MBD1: variants seen among roughly 807,000 people sequenced by gnomAD.
MBD1 encodes methyl-CpG-binding domain protein 1.
MBD1 carries 25 observed loss-of-function variants against 82.6 expected under a neutral mutation model. That is an observed-to-expected ratio of 0.30 (90% CI 0.22 to 0.42). The LOEUF is 0.42. Among genes scored for constraint, MBD1 ranks in the 10% least tolerant of loss-of-function variants. The probability of loss-of-function intolerance (pLI) is 1.00; values close to 1 mark genes in which losing one functional copy is unlikely to be tolerated. For synonymous variants in MBD1, 301 were observed against 303.7 expected (o/e 0.99, Z 0.09); for missense variants, 627 against 819.6 (o/e 0.76, Z 2.87).
intron 16 of MBD1, chr18:50,271,213 G>A: frequency 1.5e-6 from 2 of 1,344,200 alleles, no homozygotes; most frequent in South Asian, 3.4e-5. Flanking sequence ...CTCCAACCCA[G>A]CTCCCCCACC....
rs545533807 is a variant in MBD1 at position 50,278,400 on chromosome 18, A to T, written c.111-1196T>A. On this transcript the variant is annotated intron_variant, in intron 2 of 16. Transcript: ENST00000269468. ...AACTGTCTTTGATCTGTAACCCAGG[A>T]GTCTTACCCCTCCTACCAGCATCTA... Among the ~76,000 whole-genome samples the T allele has an allele frequency of 2.6e-5, 4 of 152,202 alleles. No individual in the cohort carries two copies. The East Asian group carries it at 7.7e-4, about 29-fold the overall frequency.
chr18:50,271,457 T>C lies in MBD1; in HGVS notation c.*32+12A>G, dbSNP rs1261605612. 1 of 1,614,178 alleles carries C rather than the reference T, an allele frequency of 6.2e-7. No homozygotes were observed. Among genetic ancestry groups the C allele is most frequent in the East Asian group, 2.2e-5 (1 of 44,882 alleles). ...AGTGTTGTCTCTCATAAAGCCAGTC[T>C]GCAAATATCACCTTGAATCCTACAG... On this transcript the variant is annotated intron_variant, in intron 16 of 16. Transcript: ENST00000269468.
In MBD1 at chr18:50,275,952, G is replaced by A. The variant is rs1275121474; in HGVS notation, c.546C>T (p.Cys182=). 5.0e-6 allele frequency: 8 copies of A among 1,613,264 alleles called. No individual in the cohort carries two copies. Among genetic ancestry groups the A allele is most frequent in the African/African-American group, 1.3e-5 (1 of 74,914 alleles). ...AGGCCCCACAGTCTTCTGTTACCTGGCAGGCTGCACACTCCCCACAGCCCA... is the reference window on the plus strand; with the variant it reads ...AGGCCCCACAGTCTTCTGTTACCTGACAGGCTGCACACTCCCCACAGCCCA... ...KRVGCGECAA[C]QVTEDCGACS... The change falls in exon 7 of 17, where the codon TGC becomes TGT. Residue 182 remains cysteine, a synonymous_variant. Transcript: ENST00000269468.
chr18:50,275,094 G>A, intron 9 of MBD1, 35 bp downstream of exon 9: 1 of 1,613,136 alleles, frequency 6.2e-7, no homozygotes, highest in Non-Finnish European at 8.5e-7. Flanking sequence ...GGTAAGGTCA[G>A]GGTTGTGCCT....
chr18:50,273,520 C>T (rs1346082823), intron 12 of MBD1, 44 bp downstream of exon 12: 2 of 1,613,528 alleles, frequency 1.2e-6, no homozygotes, highest in African/African-American at 1.3e-5. Flanking sequence ...CCCTGGCATG[C>T]AGCTGGGTGA....
In MBD1 at chr18:50,277,095, G is replaced by C; in HGVS notation, c.220C>G (p.Pro74Ala). The change falls in exon 3 of 17, where the codon CCC (proline) becomes GCC (alanine). Residue 74 changes from proline to alanine, a missense_variant. Physicochemically the swap from Pro to Ala is conservative, Grantham distance 27 (BLOSUM62 -1). Coordinates refer to ENST00000269468, the MANE Select transcript of MBD1 (RefSeq NM_015846.4). The stretch of plus-strand genomic sequence containing the variant: ...TATCTCATGTTGTGAAGTACCTTGG[G>C]GGCTGGATAGCACAAGATGCCTTGT... The part of the protein sequence containing the change: ...FKQGILCYPA[P>A]KAHPVAVASK... The C allele has an allele frequency of 1.2e-6, 2 of 1,614,226 alleles. No individual in the cohort carries two copies. The highest frequency in any genetic ancestry group is 3.3e-5 in the Admixed American group (2 of 60,034).
chr18:50,275,061 G>A lies in MBD1; in HGVS notation c.910-16C>T, dbSNP rs769605944. The A allele has an allele frequency of 6.2e-7, 1 of 1,613,838 alleles. No individual in the cohort carries two copies. The highest frequency in any genetic ancestry group is 1.7e-5 in the Admixed American group (1 of 60,028). On this transcript the variant is annotated splice_polypyrimidine_tract_variant and intron_variant, in intron 9 of 16. Transcript: ENST00000269468. Reference sequence around the variant, plus strand: ...CTCTGGGGTGCTGTAGAGGCAAATGGGGTGGGGTCAGGGCAGGTACTGGGT... The same window carrying A: ...CTCTGGGGTGCTGTAGAGGCAAATGAGGTGGGGTCAGGGCAGGTACTGGGT...
At chr18:50,271,054 T>G in intron 16 of MBD1, 1 of 1,019,102 alleles carries the variant, frequency 9.8e-7, no homozygotes, top group East Asian at 9.0e-5. Context: ...GCAGTTCCTT[T>G]CCTTATTTAT....
chr18:50,274,868 T>G, intron 10 of MBD1, 109 bp downstream of exon 10: 1 of 1,119,986 alleles, frequency 8.9e-7, no homozygotes, highest in Non-Finnish European at 1.3e-6. Context: ...CTAGGACCCA[T>G]TATTGTGCCT....
At chr18:50,268,674 G>C (rs1482277947), downstream of MBD1, among the ~76,000 whole-genome samples, 1 of 152,212 alleles carries the variant, frequency 6.6e-6, no homozygotes, top group African/African-American at 2.4e-5. Flanking sequence ...AGCACCAAGA[G>C]CCTCAGCCTT....
At position 50,275,021 on chromosome 18, in the gene MBD1, G is replaced by T; in HGVS notation, c.934C>A (p.Pro312Thr). 6.2e-7 allele frequency: 1 copy of T among 1,614,222 alleles called. No individual in the cohort carries two copies. The highest frequency in any genetic ancestry group is 8.5e-7 in the Non-Finnish European group (1 of 1,180,034). ...EPHPRALAPS[P>T]PAEFIYYCVD... ...CAGTAATAGATGAACTCGGCAGGTGGCGAGGGGGCCAGGGCTCTGGGGTGC... is the reference window on the plus strand; with the variant it reads ...CAGTAATAGATGAACTCGGCAGGTGTCGAGGGGGCCAGGGCTCTGGGGTGC... The change falls in exon 10 of 17, where the codon CCA becomes ACA. Residue 312 changes from proline (P) to threonine (T), a missense_variant. This residue lies in a region of MBD1 where 228 missense variants were observed against 318.1 expected (regional missense o/e 0.72). Transcript: ENST00000269468.
At chr18:50,267,772 T>TATA, downstream of MBD1, 1 of 724,774 alleles carries the variant, frequency 1.4e-6, no homozygotes, top group Non-Finnish European at 2.4e-6. Flanking sequence ...CAAACTGACA[T>TATA]ATAATAAGTA....
chr18:50,267,815 T>G (rs576968187), downstream of MBD1, among the ~76,000 whole-genome samples: 8 of 152,346 alleles, frequency 5.3e-5, no homozygotes, highest in African/African-American at 1.9e-4. Flanking sequence ...AAGGACGCAA[T>G]TTACTGTAAA....
At chr18:50,271,662 C>CT in intron 15 of MBD1, 122 bp from the exon 16 acceptor site, 1 of 1,071,436 alleles carries the variant, frequency 9.3e-7, no homozygotes, top group Non-Finnish European at 1.4e-6. Flanking sequence ...TATCCTTTAT[C>CT]TTTTTTTATA....
chr18:50,281,411 C>G lies in MBD1; in HGVS notation c.-74G>C. 1.6e-6 allele frequency: 1 copy of G among 634,212 alleles called. No individual in the cohort carries two copies. Among genetic ancestry groups the G allele is most frequent in the Non-Finnish European group, 2.8e-6 (1 of 355,734 alleles). 39.3% of individuals were successfully genotyped at this position (634,212 alleles called of 1,614,324 possible). On this transcript the variant is annotated 5_prime_UTR_variant, in exon 1 of 17. The change abolishes an upstream ATG in the 5' untranslated region. Transcript: ENST00000269468. ...TTCCGCCACTCTAGGCCCGTGGACCCATGGCGAGGGTCCCTCCTGCACCTC... is the reference window on the plus strand; with the variant it reads ...TTCCGCCACTCTAGGCCCGTGGACCGATGGCGAGGGTCCCTCCTGCACCTC...
At position 50,276,911 on chromosome 18, in the gene MBD1, C is replaced by T. The variant is rs1187932924; in HGVS notation, c.313G>A (p.Gly105Ser). 6.2e-7 allele frequency: 1 copy of T among 1,614,126 alleles called. No individual in the cohort carries two copies. Among genetic ancestry groups the T allele is most frequent in the African/African-American group, 1.3e-5 (1 of 74,944 alleles). The change falls in exon 4 of 17, where the codon GGT becomes AGT. Residue 105 changes from glycine (G) to serine (S), a missense_variant. Physicochemically the swap from Gly to Ser is moderately conservative, Grantham distance 56 (BLOSUM62 0). This residue lies in a region of MBD1 where 75 missense variants were observed against 74.7 expected (regional missense o/e 1.00). Coordinates refer to ENST00000269468, the MANE Select transcript of MBD1 (RefSeq NM_015846.4). Reference protein sequence around the residue: ...TRKRQVGPQSGEVRKEAPRDE... With the variant: ...TRKRQVGPQSSEVRKEAPRDE... ...CTCGGGGCCTCCTTCCTGACCTCACCACTCTGGGGTCCAACCTGACGTTTC... is the reference window on the plus strand; with the variant it reads ...CTCGGGGCCTCCTTCCTGACCTCACTACTCTGGGGTCCAACCTGACGTTTC...
At chr18:50,277,661 G>T (rs919327442) in intron 2 of MBD1, among the ~76,000 whole-genome samples, 52 of 152,098 alleles carry the variant, frequency 3.4e-4, no homozygotes, top group African/African-American at 1.2e-3. Flanking sequence ...TTGATTTTGG[G>T]ACCCCCATGG....
chr18:50,274,411 C>G, intron 10 of MBD1, 58 bp from the exon 11 acceptor site: 1 of 1,567,502 alleles, frequency 6.4e-7, no homozygotes. Flanking sequence ...CCATCCTCAA[C>G]GCCTATTCCA....
At chr18:50,271,412 G>T in intron 16 of MBD1, 57 bp downstream of exon 16, 5 of 1,613,196 alleles carry the variant, frequency 3.1e-6, no homozygotes, top group Non-Finnish European at 2.5e-6. Flanking sequence ...ACCAATCTAG[G>T]GTCCAGCCCC....
Sources: gnomAD v4.1 joint callset for allele counts (sites outside exome capture counted in the v4.1 genomes callset) on GRCh38, gnomAD v4.1.1 for gene constraint, gnomAD v4.1.1 regional missense constraint, MANE v1.5 for transcripts, NCBI Gene and HGNC (gene_info 2026-07-23, HGNC 2026-07-21) for gene names.